AGBL1: variants seen among roughly 807,000 people sequenced by gnomAD.
AGBL1 encodes cytosolic carboxypeptidase 4.
In AGBL1, 130 loss-of-function variants were observed where a neutral mutation model predicts 118.9. The observed-to-expected ratio is 1.09, with a 90% CI of 0.95 to 1.26. The LOEUF is 1.26. Among genes scored for constraint, AGBL1 ranks in the 50% most tolerant of loss-of-function variants. The probability of loss-of-function intolerance (pLI) is 0.00; values close to 1 mark genes in which losing one functional copy is unlikely to be tolerated. For synonymous variants in AGBL1, 555 were observed against 478.9 expected (o/e 1.16, Z -2.08); for missense variants, 1,584 against 1,298.1 (o/e 1.22, Z -3.38).
At chr15:86,684,553 T>G (rs1441255302) in intron 22 of AGBL1, among the ~76,000 whole-genome samples, 3 of 151,884 alleles carry the variant, frequency 2.0e-5, no homozygotes, top group Non-Finnish European at 4.4e-5. Context: ...ACTCCTGGGC[T>G]CAAGCAGTCC....
chr15:86,779,422 A>G (rs1266762725), intron 22 of AGBL1, among the ~76,000 whole-genome samples: 2 of 152,198 alleles, frequency 1.3e-5, no homozygotes, highest in Non-Finnish European at 2.9e-5. Context: ...TGTGAATATT[A>G]TTTATCCATT....
chr15:86,325,857 ACTT>A (rs2080176124), intron 17 of AGBL1, among the ~76,000 whole-genome samples: 1 of 152,038 alleles, frequency 6.6e-6, no homozygotes, highest in Non-Finnish European at 1.5e-5. Flanking sequence ...GCACATGATA[ACTT>A]CTTAATTTTT....
chr15:86,698,146 A>G (rs1317309813), intron 22 of AGBL1, among the ~76,000 whole-genome samples: 1 of 151,898 alleles, frequency 6.6e-6, no homozygotes, highest in Non-Finnish European at 1.5e-5. Context: ...ACTAACTTCT[A>G]AACTGATTAT....
intron 23 of AGBL1, among the ~76,000 whole-genome samples, chr15:86,986,418 T>C (rs138127934): frequency 6.6e-6 from 1 of 152,342 alleles, no homozygotes; most frequent in East Asian, 1.9e-4. Context: ...TCTTAATTAC[T>C]TTATAATACG....
Position 86,554,362 on chromosome 15 carries a change from CT to C in AGBL1, c.2820del (p.Leu941PhefsTer8). On this transcript the variant is annotated frameshift_variant and splice_region_variant, in exon 21 of 23. Coordinates refer to ENST00000614907, the MANE Select transcript of AGBL1 (RefSeq NM_001386094.1). LOFTEE classifies it high-confidence loss of function. Reference sequence around the variant, plus strand: ...GTTTGATTTTTGTTTTTACTGTAGACTCTTCCCAAAATCCTTGATAAGCTAG... The same window carrying C: ...GTTTGATTTTTGTTTTTACTGTAGACCTTCCCAAAATCCTTGATAAGCTAG... ...STILEEVNYRTLPKILDKLAP... is the reference protein window; with the variant it reads ...STILEEVNYRXLPKILDKLAP... 6.4e-7 allele frequency: 1 copy of C among 1,573,376 alleles called. No individual in the cohort carries two copies. Among genetic ancestry groups the C allele is most frequent in the Non-Finnish European group, 8.6e-7 (1 of 1,159,074 alleles).
intron 18 of AGBL1, among the ~76,000 whole-genome samples, chr15:86,453,255 A>G (rs777470140): frequency 1.3e-5 from 2 of 152,216 alleles, no homozygotes; most frequent in Non-Finnish European, 2.9e-5. Context: ...ATGTAAAATA[A>G]TTATGTTGGA....
intron 5 of AGBL1, among the ~76,000 whole-genome samples, chr15:86,162,211 G>T (rs184010027): frequency 7.2e-5 from 11 of 152,234 alleles, no homozygotes; most frequent in Admixed American, 3.3e-4. Flanking sequence ...GGATAAAGTC[G>T]CATGTCAGGG....
chr15:86,356,357 C>T (rs111971598), intron 17 of AGBL1, among the ~76,000 whole-genome samples: 12 of 113,546 alleles, frequency 1.1e-4, no homozygotes, highest in East Asian at 8.2e-4. Context: ...TGTGTGTGTG[C>T]GCGTGCGCCC....
At chr15:86,806,640 G>A (rs1280672483) in intron 22 of AGBL1, among the ~76,000 whole-genome samples, 2 of 151,954 alleles carry the variant, frequency 1.3e-5, no homozygotes, top group Non-Finnish European at 2.9e-5. Flanking sequence ...CTGTAAAATG[G>A]GAGAAATAAT....
At chr15:86,976,623 G>C (rs1318236665) in intron 23 of AGBL1, among the ~76,000 whole-genome samples, 2 of 151,930 alleles carry the variant, frequency 1.3e-5, no homozygotes, top group Non-Finnish European at 2.9e-5. Flanking sequence ...TAAAAGGAAA[G>C]TAATTCTAAA....
chr15:86,809,186 C>G (rs1022117007), intron 22 of AGBL1, among the ~76,000 whole-genome samples: 1 of 152,128 alleles, frequency 6.6e-6, no homozygotes, highest in African/African-American at 2.4e-5. Flanking sequence ...ATCTGTTTCA[C>G]TGAGGCACAG....
rs1473198893 is a variant in AGBL1, at chr15:86,267,071, G to A, written c.1833G>A (p.Val611=). ...ESGNLRKAIQ[V]REFEYDLLVN... ...GAAATCTTCGCAAAGCCATCCAAGT[G>A]CGTGAGTAAGTAAGGAAAACCACAG... Residue 611 remains valine, a synonymous_variant, in exon 13 of 23, where the codon GTG becomes GTA. Transcript: ENST00000614907. The A allele has an allele frequency of 5.1e-6, 8 of 1,560,040 alleles. No individual in the cohort carries two copies. The highest frequency in any genetic ancestry group is 6.1e-6 in the Non-Finnish European group (7 of 1,151,088).
intron 1 of AGBL1, 136 bp from the exon 2 acceptor site, chr15:86,141,868 C>T (rs923264823): frequency 9.7e-5 from 82 of 847,228 alleles, no homozygotes; most frequent in Non-Finnish European, 1.4e-4. Context: ...CAAGTGAATC[C>T]CCTTGCCTGT....
At chr15:86,875,480 T>A (rs1454193936) in intron 22 of AGBL1, among the ~76,000 whole-genome samples, 1 of 152,220 alleles carries the variant, frequency 6.6e-6, no homozygotes, top group Non-Finnish European at 1.5e-5. Context: ...GGATCAGCGT[T>A]GAGCCTCATA....
intron 22 of AGBL1, among the ~76,000 whole-genome samples, chr15:86,708,610 C>A (rs1487651686): frequency 6.6e-6 from 1 of 152,030 alleles, no homozygotes; most frequent in Non-Finnish European, 1.5e-5. Flanking sequence ...TGCCAGATTT[C>A]AAAAAATCTT....
intron 22 of AGBL1, among the ~76,000 whole-genome samples, chr15:86,901,469 A>G (rs886513783): frequency 6.6e-5 from 10 of 152,130 alleles, no homozygotes; most frequent in African/African-American, 4.8e-5. Flanking sequence ...TAGTTTGTAT[A>G]CATAATGGTG....
At chr15:86,570,897 C>T (rs1285233796) in intron 21 of AGBL1, among the ~76,000 whole-genome samples, 1 of 152,140 alleles carries the variant, frequency 6.6e-6, no homozygotes. Flanking sequence ...TGGCCTGGAT[C>T]CCATGCCTGC....
chr15:86,282,126 C>T (rs1344491750), intron 16 of AGBL1, among the ~76,000 whole-genome samples: 1 of 152,044 alleles, frequency 6.6e-6, no homozygotes, highest in African/African-American at 2.4e-5. Flanking sequence ...GGCACAGTTT[C>T]AGATAAGAAT....
intron 22 of AGBL1, among the ~76,000 whole-genome samples, chr15:86,856,338 G>C (rs2079479542): frequency 6.6e-6 from 1 of 152,122 alleles, no homozygotes. Flanking sequence ...CCAATTGCTG[G>C]GAGGTCTTTT....
Sources: allele counts gnomAD v4.1 joint callset (sites outside exome capture counted in the v4.1 genomes callset), GRCh38; gene constraint gnomAD v4.1.1; transcripts MANE v1.5; gene names NCBI Gene and HGNC (gene_info 2026-07-23, HGNC 2026-07-21).